The following MORC1 variants were observed in gnomAD, a reference collection of about 807,000 sequenced individuals.
MORC1 encodes the protein MORC family CW-type zinc finger 1, also known as MORC family CW-type zinc finger protein 1.
Under a neutral mutation model 134.9 loss-of-function variants are expected in MORC1, and 59 were observed. The observed-to-expected ratio is 0.44, with a 90% CI of 0.35 to 0.54. The LOEUF (loss-of-function observed/expected upper bound fraction) is 0.54. Ranked by LOEUF, MORC1 falls within the 20% of genes least tolerant of loss-of-function variation. The pLI is 0.00. For missense variants in MORC1, 947 were observed against 1,134.5 expected, an observed-to-expected ratio of 0.83 and a Z score of 2.37; for synonymous variants, 395 against 391.7, an observed-to-expected ratio of 1.01 and a Z score of -0.10.
chr3:109,001,134 TTA>T lies in MORC1; in HGVS notation c.2086-478_2086-477del, dbSNP rs754343245. ...GAGTGAAATTAGCTTATCTTTCTTT[TTA>T]TTTTTATTTTTTTTGAGATGGAGTT... On this transcript the variant is annotated intron_variant, in intron 20 of 27. Transcript: ENST00000232603. 3.4e-4 allele frequency among the ~76,000 whole-genome samples: 52 copies of T among 152,114 alleles called. 1 individual carries two copies. The highest frequency in any genetic ancestry group is 4.4e-5 in the Non-Finnish European group (3 of 68,010).
At chr3:109,053,106 TAA>T (rs200991752) in intron 14 of MORC1, among the ~76,000 whole-genome samples, 54 of 101,246 alleles carry the variant, frequency 5.3e-4, no homozygotes, top group Admixed American at 5.9e-4. Flanking sequence ...TGTTATAAAG[TAA>T]AAAAAAAAAA....
chr3:109,058,282 G>T (rs1950006943), intron 12 of MORC1, among the ~76,000 whole-genome samples: 1 of 152,060 alleles, frequency 6.6e-6, no homozygotes, highest in Non-Finnish European at 1.5e-5. Context: ...TTTGAAAAAT[G>T]GGAGTAATAC....
At chr3:109,086,644 AT>A (rs1353184827) in intron 8 of MORC1, among the ~76,000 whole-genome samples, 1 of 152,054 alleles carries the variant, frequency 6.6e-6, no homozygotes, top group African/African-American at 2.4e-5. Context: ...ATGTCTAACA[AT>A]TTAAGTATAA....
At chr3:109,070,497 C>T (rs1228444086) in intron 8 of MORC1, among the ~76,000 whole-genome samples, 1 of 152,126 alleles carries the variant, frequency 6.6e-6, no homozygotes, top group Non-Finnish European at 1.5e-5. Context: ...AACTGTAAAT[C>T]CTCTCCAATA....
intron 3 of MORC1, among the ~76,000 whole-genome samples, chr3:109,108,870 A>C (rs1020552694): frequency 3.3e-5 from 5 of 150,050 alleles, no homozygotes; most frequent in Admixed American, 1.3e-4. Flanking sequence ...ACTGCACTCC[A>C]GCCTGGGCGA....
chr3:109,060,730 A>G (rs1476598193), intron 11 of MORC1, among the ~76,000 whole-genome samples: 1 of 152,144 alleles, frequency 6.6e-6, no homozygotes, highest in Non-Finnish European at 1.5e-5. Flanking sequence ...AAGAAACCAG[A>G]GTGCATCAGA....
Position 108,982,097 on chromosome 3 carries a change from T to C in MORC1, c.2325-2430A>G, listed in dbSNP as rs1947741170. ...CCCATCAAAAAGTGGGTGAAGGATA[T>C]GAACAGACACTTCTCAAAAGAAGAC... On this transcript the variant is annotated intron_variant, in intron 23 of 27. Transcript: ENST00000232603. 2.0e-5 allele frequency among the ~76,000 whole-genome samples: 3 copies of C among 152,152 alleles called. No homozygotes were observed. The South Asian group carries it at 6.2e-4, about 32-fold the overall frequency.
intron 14 of MORC1, among the ~76,000 whole-genome samples, chr3:109,049,848 C>T (rs1949780294): frequency 6.6e-6 from 1 of 152,138 alleles, no homozygotes; most frequent in African/African-American, 2.4e-5. Flanking sequence ...CAGGTTTCAT[C>T]TGGCACATTT....
intron 16 of MORC1, among the ~76,000 whole-genome samples, chr3:109,031,758 C>T (rs909229263): frequency 2.0e-5 from 3 of 152,116 alleles, no homozygotes; most frequent in Non-Finnish European, 2.9e-5. Flanking sequence ...AAGTGGATAC[C>T]TTAGGTTCCC....
At chr3:109,109,423 ATT>A (rs2107799249) in intron 3 of MORC1, among the ~76,000 whole-genome samples, 1 of 152,196 alleles carries the variant, frequency 6.6e-6, no homozygotes, top group African/African-American at 2.4e-5. Flanking sequence ...GCCTATCTCC[ATT>A]TGTTTTCTCA....
At chr3:109,066,255 A>C (rs1950192726) in intron 9 of MORC1, among the ~76,000 whole-genome samples, 1 of 151,970 alleles carries the variant, frequency 6.6e-6, no homozygotes, top group Non-Finnish European at 1.5e-5. Context: ...CTAGAATGTA[A>C]GCTCCATGAG....
chr3:109,034,533 C>T (rs916152122), intron 15 of MORC1, among the ~76,000 whole-genome samples: 4 of 152,060 alleles, frequency 2.6e-5, no homozygotes, highest in Non-Finnish European at 5.9e-5. Flanking sequence ...ACACCTTTAC[C>T]CAACCTAATA....
intron 23 of MORC1, among the ~76,000 whole-genome samples, chr3:108,982,012 C>CA (rs1456297548): frequency 1.3e-5 from 2 of 152,178 alleles, no homozygotes; most frequent in Admixed American, 1.3e-4. Flanking sequence ...ATACATCTGA[C>CA]AAAGGGCTAA....
At chr3:109,022,698 A>G (rs918473961) in intron 17 of MORC1, among the ~76,000 whole-genome samples, 2 of 152,232 alleles carry the variant, frequency 1.3e-5, no homozygotes, top group Non-Finnish European at 2.9e-5. Context: ...AGCCTAACCT[A>G]TGTAGAGTCA....
chr3:108,991,536 GC>G (rs1412634456), intron 21 of MORC1, among the ~76,000 whole-genome samples: 1 of 152,144 alleles, frequency 6.6e-6, no homozygotes, highest in Non-Finnish European at 1.5e-5. Context: ...GATCTTCATA[GC>G]CTTCTATGTC....
chr3:109,043,831 A>G (rs1051771570), intron 14 of MORC1, among the ~76,000 whole-genome samples: 7 of 152,224 alleles, frequency 4.6e-5, no homozygotes, highest in Admixed American at 4.6e-4. Context: ...CTGAAATAAA[A>G]TGAAAGTGGA....
In MORC1 at chr3:109,069,649, A is replaced by G. The variant is rs1559934404; in HGVS notation, c.798T>C (p.Tyr266=). The change falls in exon 9 of 28, where the codon TAT becomes TAC. Residue 266 remains tyrosine, a synonymous_variant. Coordinates refer to ENST00000232603, the MANE Select transcript of MORC1 (RefSeq NM_014429.4). The part of the protein sequence containing the change: ...AKRVKTKHLC[Y]CLYRPRKYLY... The stretch of plus-strand genomic sequence containing the variant: ...TGAGTTACCTGGGTCTGTAGAGGCA[A>G]TAGCAAAGATGTTTAGTTTTAACTC... The G allele has an allele frequency of 1.2e-6, 2 of 1,607,306 alleles. No homozygotes were observed. Among genetic ancestry groups the G allele is most frequent in the Admixed American group, 3.3e-5 (2 of 59,786 alleles).
In MORC1 at chr3:108,986,869, T is replaced by C. The variant is rs760842669; in HGVS notation, c.2257+11A>G. On this transcript the variant is annotated intron_variant, in intron 22 of 27. Coordinates refer to ENST00000232603, the MANE Select transcript of MORC1 (RefSeq NM_014429.4). ...TAATATATATATATACATGAGCTGA[T>C]TTTTTTTTACCTTGGTTTAAAAGAG... 2.9e-6 allele frequency: 4 copies of C among 1,380,246 alleles called. No individual in the cohort carries two copies. The highest frequency in any genetic ancestry group is 3.8e-6 in the Non-Finnish European group (4 of 1,060,470). 85.5% of individuals were successfully genotyped at this position (1,380,246 alleles called of 1,614,324 possible). A position where few individuals can be genotyped will look rare whatever the true frequency, so the allele number is the denominator to read the frequency against.
chr3:108,975,738 A>C (rs1947531318), intron 24 of MORC1, among the ~76,000 whole-genome samples: 1 of 152,166 alleles, frequency 6.6e-6, no homozygotes, highest in African/African-American at 2.4e-5. Flanking sequence ...GCATATAGTA[A>C]GTGCATAACA....
Sources: gnomAD v4.1 joint callset for allele counts (sites outside exome capture counted in the v4.1 genomes callset) on GRCh38, gnomAD v4.1.1 for gene constraint, MANE v1.5 for transcripts, NCBI Gene and HGNC (gene_info 2026-07-23, HGNC 2026-07-21) for gene names.